The following CDH13 variants were observed in gnomAD, a reference collection of about 807,000 sequenced individuals.
CDH13 encodes cadherin-13.
Under a neutral mutation model 63.8 loss-of-function variants are expected in CDH13, and 24 were observed. That is an observed-to-expected ratio of 0.38 (90% confidence interval 0.27 to 0.53). CDH13 has a LOEUF of 0.53. Among genes scored for constraint, CDH13 ranks in the 20% least tolerant of loss-of-function variants. The pLI is 0.85. For missense variants in CDH13, 1,049 were observed against 903.1 expected (o/e 1.16, Z -2.07); for synonymous variants, 503 against 355.3 (o/e 1.42, Z -4.67).
At chr16:83,662,378 A>C (rs1277208053) in intron 8 of CDH13, among the ~76,000 whole-genome samples, 3 of 152,216 alleles carry the variant, frequency 2.0e-5, no homozygotes, top group Admixed American at 2.0e-4. Context: ...CATCTGGCAC[A>C]AAAGAGAAAC....
At chr16:82,932,009 C>G (rs2042512503) in intron 2 of CDH13, among the ~76,000 whole-genome samples, 1 of 152,060 alleles carries the variant, frequency 6.6e-6, no homozygotes, top group African/African-American at 2.4e-5. Context: ...CAGTTAAGAC[C>G]TCTGGTAAAT....
At chr16:83,014,854 TTGTA>T (rs1290779577) in intron 2 of CDH13, among the ~76,000 whole-genome samples, 55 of 118,096 alleles carry the variant, frequency 4.7e-4, no homozygotes, top group Non-Finnish European at 3.1e-4. Context: ...ATATATATAT[TTGTA>T]TATATATATG....
intron 5 of CDH13, among the ~76,000 whole-genome samples, chr16:83,322,817 T>G (rs2090260486): frequency 6.6e-6 from 1 of 152,184 alleles, no homozygotes; most frequent in Non-Finnish European, 1.5e-5. Context: ...AGGTTATAAT[T>G]AATCATTGGT....
chr16:83,180,900 C>T, intron 4 of CDH13: 1 of 1,531,444 alleles, frequency 6.5e-7, no homozygotes, highest in Non-Finnish European at 8.7e-7. Context: ...CAGCGAACTT[C>T]TCTTGAATGA....
At chr16:83,739,799 C>G (rs1054049204) in intron 10 of CDH13, 1 of 152,154 alleles carries the variant, frequency 6.6e-6, no homozygotes, top group East Asian at 1.9e-4. Flanking sequence ...CATTCATTCC[C>G]TCATGCATGC....
chr16:83,268,425 A>G (rs2088691041), intron 5 of CDH13, among the ~76,000 whole-genome samples: 1 of 152,178 alleles, frequency 6.6e-6, no homozygotes, highest in Admixed American at 6.5e-5. Flanking sequence ...CACAGTTGTT[A>G]CTACAGTTAC....
intron 1 of CDH13, among the ~76,000 whole-genome samples, chr16:82,835,884 C>G (rs182446354): frequency 6.6e-6 from 1 of 152,280 alleles, no homozygotes. Context: ...CTTGATCACA[C>G]CAGGAAGTCT....
chr16:83,556,424 C>T (rs1307232297), intron 7 of CDH13, among the ~76,000 whole-genome samples: 1 of 152,086 alleles, frequency 6.6e-6, no homozygotes, highest in African/African-American at 2.4e-5. Context: ...AGTTATGCAC[C>T]AAGCAGGATG....
At chr16:83,526,112 A>G (rs998144913) in intron 7 of CDH13, among the ~76,000 whole-genome samples, 4 of 152,224 alleles carry the variant, frequency 2.6e-5, no homozygotes, top group African/African-American at 9.6e-5. Context: ...AAGGGATGTA[A>G]CATTCAAGGC....
intron 7 of CDH13, among the ~76,000 whole-genome samples, chr16:83,505,117 C>G (rs547980731): frequency 6.6e-6 from 1 of 152,206 alleles, no homozygotes; most frequent in Non-Finnish European, 1.5e-5. Flanking sequence ...GTGATCCTAC[C>G]CATCCTCAAA....
chr16:83,743,785 C>T (rs1192988472), intron 10 of CDH13, among the ~76,000 whole-genome samples: 1 of 67,344 alleles, frequency 1.5e-5, no homozygotes, highest in Non-Finnish European at 2.7e-5. Flanking sequence ...TTTTCCATCC[C>T]CATGATTGTT....
chr16:83,405,747 T>C (rs1323403490), intron 6 of CDH13, among the ~76,000 whole-genome samples: 1 of 152,250 alleles, frequency 6.6e-6, no homozygotes, highest in East Asian at 1.9e-4. Flanking sequence ...TAGTGCCATG[T>C]TATCTAATTT....
At chr16:83,764,259 C>A (rs116062832) in intron 11 of CDH13, among the ~76,000 whole-genome samples, 228 of 152,230 alleles carry the variant, frequency 1.5e-3, no homozygotes, top group African/African-American at 2.2e-3. Flanking sequence ...TGGACCCCCC[C>A]ACTTGGACAA....
At chr16:82,957,893 A>G (rs1287673963) in intron 2 of CDH13, among the ~76,000 whole-genome samples, 1 of 152,222 alleles carries the variant, frequency 6.6e-6, no homozygotes, top group Non-Finnish European at 1.5e-5. Flanking sequence ...TGATAGCTGG[A>G]AAATGTGCAC....
chr16:82,860,138 T>C (rs1024009415), intron 2 of CDH13, among the ~76,000 whole-genome samples: 7 of 152,156 alleles, frequency 4.6e-5, no homozygotes, highest in Admixed American at 2.6e-4. Context: ...TTATTTTTTT[T>C]CCAAGTGATT....
chr16:83,177,048 G>T (rs1254683233), intron 4 of CDH13, among the ~76,000 whole-genome samples: 1 of 152,186 alleles, frequency 6.6e-6, no homozygotes, highest in Non-Finnish European at 1.5e-5. Context: ...TGCACATCCA[G>T]TATGATAAGC....
intron 13 of CDH13, among the ~76,000 whole-genome samples, chr16:83,792,107 G>C (rs1050246946): frequency 3.9e-5 from 6 of 152,090 alleles, no homozygotes; most frequent in African/African-American, 1.2e-4. Flanking sequence ...CCTTTCTATT[G>C]CGAAACGTAT....
At chr16:82,881,781 G>C (rs374859029) in intron 2 of CDH13, among the ~76,000 whole-genome samples, 1 of 151,992 alleles carries the variant, frequency 6.6e-6, no homozygotes, top group South Asian at 2.1e-4. Flanking sequence ...GAGGAGGAGG[G>C]GGCTGACTAT....
intron 2 of CDH13, among the ~76,000 whole-genome samples, chr16:83,030,086 G>A (rs781172355): frequency 6.6e-6 from 1 of 152,154 alleles, no homozygotes; most frequent in Non-Finnish European, 1.5e-5. Context: ...GCCTCTGCTT[G>A]TGTCAATGCC....
Sources: allele counts gnomAD v4.1 joint callset (sites outside exome capture counted in the v4.1 genomes callset), GRCh38; gene constraint gnomAD v4.1.1; transcripts MANE v1.5; gene names NCBI Gene and HGNC (gene_info 2026-07-23, HGNC 2026-07-21).